The following RBFOX3 variants were observed in gnomAD, a reference collection of about 807,000 sequenced individuals.
RBFOX3 encodes the protein RNA binding fox-1 homolog 3, also known as RNA binding protein fox-1 homolog 3.
A neutral mutation model predicts 48.7 loss-of-function variants in RBFOX3; 17 were observed. That is an observed-to-expected ratio of 0.35 (90% CI 0.24 to 0.52). The LOEUF (loss-of-function observed/expected upper bound fraction) is 0.52. Ranked by LOEUF, RBFOX3 falls within the 20% of genes least tolerant of loss-of-function variation. RBFOX3 has a pLI of 0.94. For synonymous variants in RBFOX3, 212 were observed against 209.5 expected, an observed-to-expected ratio of 1.01 and a Z score of -0.10; for missense variants, 382 against 497.5, an observed-to-expected ratio of 0.77 and a Z score of 2.21.
chr17:79,372,045 G>A (rs769257647), intron 2 of RBFOX3, among the ~76,000 whole-genome samples: 6 of 152,048 alleles, frequency 3.9e-5, no homozygotes, highest in Non-Finnish European at 7.4e-5. Flanking sequence ...GACCCTCCTC[G>A]CAGACGCTTC....
At chr17:79,492,696 T>A (rs2080867428) in intron 1 of RBFOX3, among the ~76,000 whole-genome samples, 1 of 152,214 alleles carries the variant, frequency 6.6e-6, no homozygotes, top group Admixed American at 6.5e-5. Context: ...TCTAAAGCCA[T>A]TAAATTTGGG....
chr17:79,197,288 A>G (rs2055809673), intron 4 of RBFOX3, among the ~76,000 whole-genome samples: 1 of 150,840 alleles, frequency 6.6e-6, no homozygotes, highest in African/African-American at 2.4e-5. Context: ...TTGTGTGTGC[A>G]TCTCTCTGTC....
intron 2 of RBFOX3, among the ~76,000 whole-genome samples, chr17:79,427,529 T>G (rs150967708): frequency 0.02 from 3,065 of 152,332 alleles, 49 homozygotes; most frequent in Non-Finnish European, 0.03. Flanking sequence ...TTTTGCCTTG[T>G]GGATGCTCCT....
rs757752347 is a variant in RBFOX3, at chr17:79,214,564, G to A, written c.-34+21202C>T. ...CAGGCCAAGTGGGAGGGATGTCTGG[G>A]GGGGGTCTCGGAGGAAGCAGGAAGG... is the stretch of plus-strand genomic sequence containing the variant. On this transcript the variant is annotated intron_variant, in intron 4 of 14. Transcript: ENST00000693108. The surrounding 1 kb of genome is among the most constrained non-coding windows in gnomAD (Gnocchi z 4.7). Among the ~76,000 whole-genome samples the A allele has an allele frequency of 6.6e-6, 1 of 151,978 alleles. No homozygotes were observed. Among genetic ancestry groups the A allele is most frequent in the African/African-American group, 2.4e-5 (1 of 41,370 alleles).
chr17:79,397,879 A>G (rs1445162502), intron 2 of RBFOX3, among the ~76,000 whole-genome samples: 1 of 152,172 alleles, frequency 6.6e-6, no homozygotes, highest in Non-Finnish European at 1.5e-5. Flanking sequence ...AACCACAAAC[A>G]GAGGCCCTGG....
chr17:79,608,890 C>A (rs1230684467), intron 1 of RBFOX3, among the ~76,000 whole-genome samples: 2 of 152,120 alleles, frequency 1.3e-5, no homozygotes, highest in Non-Finnish European at 2.9e-5. Context: ...AGAAGGAAGG[C>A]GCGCCGGGAT....
intron 4 of RBFOX3, among the ~76,000 whole-genome samples, chr17:79,207,908 C>T (rs1165736692): frequency 6.6e-6 from 1 of 152,208 alleles, no homozygotes; most frequent in Non-Finnish European, 1.5e-5. Flanking sequence ...ATTTCTTTAG[C>T]TATACAATTA....
intron 2 of RBFOX3, among the ~76,000 whole-genome samples, chr17:79,343,983 G>A (rs997380055): frequency 2.0e-5 from 3 of 152,196 alleles, no homozygotes; most frequent in African/African-American, 7.2e-5. Flanking sequence ...TCCCACTCAA[G>A]TGGGTATGAG....
chr17:79,179,408 C>G (rs1174921645), intron 4 of RBFOX3, among the ~76,000 whole-genome samples: 2 of 152,188 alleles, frequency 1.3e-5, no homozygotes, highest in South Asian at 4.1e-4. Context: ...TTTACCTCAG[C>G]AAGGGAGACT....
At chr17:79,472,062 C>T (rs1008979072) in intron 2 of RBFOX3, among the ~76,000 whole-genome samples, 9 of 152,256 alleles carry the variant, frequency 5.9e-5, no homozygotes, top group South Asian at 2.1e-4. Flanking sequence ...CAGATGACGA[C>T]GACCGCCCAG....
chr17:79,284,528 G>A (rs918364890), intron 3 of RBFOX3, among the ~76,000 whole-genome samples: 1 of 143,118 alleles, frequency 7.0e-6, no homozygotes, highest in Non-Finnish European at 1.5e-5. Flanking sequence ...AAGCAGGCTT[G>A]GGGGAAGAGA....
At chr17:79,332,980 G>A (rs1284525541) in intron 2 of RBFOX3, among the ~76,000 whole-genome samples, 1 of 151,386 alleles carries the variant, frequency 6.6e-6, no homozygotes, top group Admixed American at 6.6e-5. Flanking sequence ...GAAAGAGGTA[G>A]AGAGACAGAG....
chr17:79,373,486 C>T (rs1411269551), intron 2 of RBFOX3, among the ~76,000 whole-genome samples: 1 of 152,234 alleles, frequency 6.6e-6, no homozygotes, highest in Non-Finnish European at 1.5e-5. Context: ...ACCTGAAATC[C>T]TTTCTCCAAA....
the RBFOX3 span, among the ~76,000 whole-genome samples, chr17:79,628,404 G>A: frequency 6.6e-6 from 1 of 152,184 alleles, no homozygotes; most frequent in East Asian, 1.9e-4. Context: ...GGCTAACACA[G>A]GAAATTAGGG....
rs1199280788 is a variant in RBFOX3, at chr17:79,477,754, T to C, written c.-175+4700A>G. ...GGGACTGAAGTGGCTGAGCCTGGCA[T>C]CCTTCCTAAATATTTTCCAAATACA... On this transcript the variant is annotated intron_variant, in intron 2 of 14. Coordinates refer to ENST00000693108, the MANE Select transcript of RBFOX3 (RefSeq NM_001350451.2). The surrounding 1 kb of genome is among the most constrained non-coding windows in gnomAD (Gnocchi z 4.8). 1.3e-5 allele frequency among the ~76,000 whole-genome samples: 2 copies of C among 152,198 alleles called. No homozygotes were observed. The highest frequency in any genetic ancestry group is 2.9e-5 in the Non-Finnish European group (2 of 68,032).
chr17:79,547,264 C>T (rs868908391), intron 1 of RBFOX3, among the ~76,000 whole-genome samples: 12 of 152,012 alleles, frequency 7.9e-5, no homozygotes, highest in Admixed American at 1.3e-4. Context: ...CTGACCAACA[C>T]GGTGAAACTC....
intron 2 of RBFOX3, among the ~76,000 whole-genome samples, chr17:79,478,365 C>T (rs2078268970): frequency 6.6e-6 from 1 of 152,176 alleles, no homozygotes; most frequent in African/African-American, 2.4e-5. Flanking sequence ...ACGGCAGGCT[C>T]ACACTCAGCC....
chr17:79,522,986 A>G (rs1220384986), intron 1 of RBFOX3, among the ~76,000 whole-genome samples: 1 of 151,618 alleles, frequency 6.6e-6, no homozygotes, highest in East Asian at 1.9e-4. Context: ...AGGCCAGAAC[A>G]GGATGGACTT....
At chr17:79,568,091 T>C (rs1212902853) in intron 1 of RBFOX3, among the ~76,000 whole-genome samples, 2 of 152,238 alleles carry the variant, frequency 1.3e-5, no homozygotes, top group East Asian at 3.9e-4. Context: ...TCCAGAGCAA[T>C]AGCCTGCTGG....
Sources: gnomAD v4.1 joint callset for allele counts (sites outside exome capture counted in the v4.1 genomes callset) on GRCh38, gnomAD v4.1.1 for gene constraint, Gnocchi (gnomAD v3.1) non-coding constraint, MANE v1.5 for transcripts, NCBI Gene and HGNC (gene_info 2026-07-23, HGNC 2026-07-21) for gene names.